Variants in CCSER2 observed in about 807,000 individuals in gnomAD.
CCSER2 encodes coiled-coil serine rich protein 2, also known as serine-rich coiled-coil domain-containing protein 2.
Under a neutral mutation model 92.3 loss-of-function variants are expected in CCSER2, and 46 were observed. The ratio of observed to expected loss-of-function variants is 0.50; its 90% CI spans 0.39 to 0.64. CCSER2 has a LOEUF of 0.64. CCSER2 is among the 30% of genes least tolerant of loss of function. CCSER2 has a pLI of 0.00. For missense variants in CCSER2, 1,244 were observed against 1,238.9 expected (o/e 1.00, Z -0.06); for synonymous variants, 433 against 431.4 (o/e 1.00, Z -0.04).
chr10:84,492,324 CT>C (rs1259856796), intron 9 of CCSER2, among the ~76,000 whole-genome samples: 1 of 151,548 alleles, frequency 6.6e-6, no homozygotes, highest in African/African-American at 2.4e-5. Flanking sequence ...GTATATTGAC[CT>C]TGTATTTTGT....
At chr10:84,365,458 G>A (rs1040130839) in intron 1 of CCSER2, among the ~76,000 whole-genome samples, 11 of 152,156 alleles carry the variant, frequency 7.2e-5, no homozygotes, top group East Asian at 5.8e-4. Flanking sequence ...TATTCATAAC[G>A]TAAACTTCAT....
chr10:84,335,768 A>G (rs1469033885), intron 1 of CCSER2, among the ~76,000 whole-genome samples: 1 of 152,156 alleles, frequency 6.6e-6, no homozygotes, highest in East Asian at 1.9e-4. Flanking sequence ...CTTTAGGGCA[A>G]TTTGAGAGCT....
chr10:84,462,534 C>A (rs1846162724), intron 6 of CCSER2, among the ~76,000 whole-genome samples: 1 of 152,206 alleles, frequency 6.6e-6, no homozygotes, highest in African/African-American at 2.4e-5. Context: ...TGAGATGAGT[C>A]CTGTAAAACT....
chr10:84,361,794 C>T (rs531626529), intron 1 of CCSER2, among the ~76,000 whole-genome samples: 3 of 152,180 alleles, frequency 2.0e-5, no homozygotes, highest in African/African-American at 7.2e-5. Context: ...GCATGCACCA[C>T]CATGCCTGGC....
chr10:84,437,074 A>G (rs1024834919), intron 5 of CCSER2, among the ~76,000 whole-genome samples: 2 of 152,090 alleles, frequency 1.3e-5, no homozygotes, highest in Admixed American at 6.5e-5. Context: ...AAATTTTGCT[A>G]GAAGTTGAAG....
intron 3 of CCSER2, among the ~76,000 whole-genome samples, chr10:84,413,974 C>CT (rs1486726577): frequency 2.0e-5 from 3 of 152,098 alleles, no homozygotes; most frequent in East Asian, 1.9e-4. Context: ...GCAACCTCTG[C>CT]TTTTTTTATG....
intron 1 of CCSER2, among the ~76,000 whole-genome samples, chr10:84,335,742 C>T (rs1015998096): frequency 6.6e-6 from 1 of 152,160 alleles, no homozygotes; most frequent in Admixed American, 6.5e-5. Flanking sequence ...AATGATATTT[C>T]GTTGCAGCCT....
chr10:84,376,551 G>A (rs1340177422), intron 3 of CCSER2, among the ~76,000 whole-genome samples: 1 of 152,012 alleles, frequency 6.6e-6, no homozygotes, highest in Non-Finnish European at 1.5e-5. Flanking sequence ...CTTTACTCTT[G>A]TATCATATTC....
chr10:84,493,021 T>C (rs1232185753), intron 9 of CCSER2, among the ~76,000 whole-genome samples: 1 of 152,222 alleles, frequency 6.6e-6, no homozygotes, highest in Non-Finnish European at 1.5e-5. Context: ...ATGGAAGAGA[T>C]AGTGTAGAAT....
At chr10:84,445,110 C>T (rs377595599) in intron 6 of CCSER2, among the ~76,000 whole-genome samples, 22 of 151,352 alleles carry the variant, frequency 1.5e-4, no homozygotes, top group African/African-American at 4.8e-4. Context: ...ACATGAAGAA[C>T]GTGGGGACAT....
Position 84,353,330 on chromosome 10 carries a change from G to A in CCSER2, c.-39-17684G>A, listed in dbSNP as rs74147544. Among the ~76,000 whole-genome samples the A allele has an allele frequency of 5.7e-3, 872 of 152,148 alleles. 7 individuals are homozygous for A. The highest frequency in any genetic ancestry group is 0.018 in the African/African-American group (740 of 41,502). On this transcript the variant is annotated intron_variant, in intron 1 of 9. Coordinates refer to ENST00000372088, the MANE Select transcript of CCSER2 (RefSeq NM_001284240.2). ...TCTCTTGAGATAGCAGCCCGAGCCA[G>A]CCCCAGGACATTATTCATTTGTATA... is the stretch of plus-strand genomic sequence containing the variant.
At chr10:84,497,409 G>A (rs896997154) in intron 9 of CCSER2, among the ~76,000 whole-genome samples, 4 of 152,208 alleles carry the variant, frequency 2.6e-5, no homozygotes, top group Non-Finnish European at 4.4e-5. Context: ...GCGGTGGCAG[G>A]CAGCGCTGTT....
chr10:84,354,091 GGGGAGGCTGAGGCGGGA>G (rs1293505021), intron 1 of CCSER2, among the ~76,000 whole-genome samples: 1 of 151,662 alleles, frequency 6.6e-6, no homozygotes, highest in African/African-American at 2.4e-5. Context: ...CCCAGCTACT[GGGGAGGCTGAGGCGGGA>G]GGGTTGCTTG....
At chr10:84,475,019 C>A (rs1847053593) in intron 8 of CCSER2, among the ~76,000 whole-genome samples, 1 of 152,190 alleles carries the variant, frequency 6.6e-6, no homozygotes, top group South Asian at 2.1e-4. Context: ...TTCATGGTCA[C>A]AAGATGTCTG....
At chr10:84,364,729 T>C (rs1845686427) in intron 1 of CCSER2, among the ~76,000 whole-genome samples, 1 of 148,580 alleles carries the variant, frequency 6.7e-6, no homozygotes, top group Admixed American at 7.1e-5. Flanking sequence ...TTTATAAGTA[T>C]TTTTGAATTT....
intron 5 of CCSER2, among the ~76,000 whole-genome samples, chr10:84,430,056 G>C (rs1843679317): frequency 6.6e-6 from 1 of 151,992 alleles, no homozygotes; most frequent in African/African-American, 2.4e-5. Context: ...CTAATGGTTG[G>C]ATGGAGATTT....
intron 3 of CCSER2, among the ~76,000 whole-genome samples, chr10:84,374,463 A>ATGGCAGAGGAAGAGAG (rs1313701830): frequency 6.6e-6 from 1 of 152,114 alleles, no homozygotes; most frequent in East Asian, 1.9e-4. Context: ...TCTTTTCACT[A>ATGGCAGAGGAAGAGAG]TGGCAGAGGA....
At chr10:84,453,870 A>G (rs1845442295) in intron 6 of CCSER2, among the ~76,000 whole-genome samples, 1 of 152,012 alleles carries the variant, frequency 6.6e-6, no homozygotes, top group Non-Finnish European at 1.5e-5. Context: ...CTTTAATGGT[A>G]CCCTGCTTCT....
At chr10:84,448,852 AT>A (rs534791683) in intron 6 of CCSER2, among the ~76,000 whole-genome samples, 148 of 152,036 alleles carry the variant, frequency 9.7e-4, no homozygotes, top group African/African-American at 3.5e-3. Context: ...TTGTTTCTGA[AT>A]TTTTTTACTC....
Sources: gnomAD v4.1 joint callset for allele counts (sites outside exome capture counted in the v4.1 genomes callset) on GRCh38, gnomAD v4.1.1 for gene constraint, MANE v1.5 for transcripts, NCBI Gene and HGNC (gene_info 2026-07-23, HGNC 2026-07-21) for gene names.